Variants in GALNT13 observed in about 807,000 individuals in gnomAD.
GALNT13 encodes polypeptide N-acetylgalactosaminyltransferase 13.
In GALNT13, 28 loss-of-function variants were observed where a neutral mutation model predicts 64.2. That is an observed-to-expected ratio of 0.44 (90% CI 0.32 to 0.60). GALNT13 has a LOEUF of 0.60. Among genes scored for constraint, GALNT13 ranks in the 20% least tolerant of loss-of-function variants. The pLI, the probability that GALNT13 is intolerant of heterozygous loss-of-function variation, is 0.05. For missense variants in GALNT13, 577 were observed against 669.8 expected (o/e 0.86, Z 1.53); for synonymous variants, 214 against 224.6 (o/e 0.95, Z 0.42).
At chr2:153,238,860 T>G in the GALNT13 span, among the ~76,000 whole-genome samples, 1 of 152,166 alleles carries the variant, frequency 6.6e-6, no homozygotes, top group Non-Finnish European at 1.5e-5. Context: ...TTAAGATTGC[T>G]TTTTCTATTG....
In GALNT13 at chr2:154,182,240, G is replaced by A. The variant is rs370766777; in HGVS notation, c.311+41735G>A. ...CAGGGTGTCTGACTCCCAAAGATATGTTAATCATTTGACTACTAAACTTGT... is the reference window on the plus strand; with the variant it reads ...CAGGGTGTCTGACTCCCAAAGATATATTAATCATTTGACTACTAAACTTGT... On this transcript the variant is annotated intron_variant, in intron 4 of 12. Coordinates refer to ENST00000392825, the MANE Select transcript of GALNT13 (RefSeq NM_052917.4). Among the ~76,000 whole-genome samples the A allele has an allele frequency of 1.4e-3, 217 of 152,266 alleles. 1 individual carries two copies. Among genetic ancestry groups the A allele is most frequent in the Non-Finnish European group, 2.8e-3 (189 of 68,026 alleles).
At chr2:153,595,115 A>AAT in the GALNT13 span, among the ~76,000 whole-genome samples, 1 of 152,114 alleles carries the variant, frequency 6.6e-6, no homozygotes, top group African/African-American at 2.4e-5. Context: ...GAGTGAAAAA[A>AAT]TAGGAGAAAA....
rs527911713 is a variant in GALNT13 at position 154,117,475 on chromosome 2, C to G, written c.143-22862C>G. Among the ~76,000 whole-genome samples the G allele has an allele frequency of 4.0e-5, 6 of 151,496 alleles. No homozygotes were observed. The East Asian group carries it at 1.2e-3, about 31-fold the overall frequency. On this transcript the variant is annotated intron_variant, in intron 3 of 12. Transcript: ENST00000392825. ...TCATTGTATCATTCTTATGCCTTTG[C>G]ATCTTCATAGCTTAGCTCCAACATA...
the GALNT13 span, among the ~76,000 whole-genome samples, chr2:153,533,297 C>T: frequency 4.6e-5 from 7 of 151,878 alleles, no homozygotes; most frequent in East Asian, 1.9e-4. Context: ...TGTAGCCCAG[C>T]CTGGAGTGCA....
chr2:154,098,745 G>A (rs1199076092), intron 3 of GALNT13, among the ~76,000 whole-genome samples: 1 of 152,016 alleles, frequency 6.6e-6, no homozygotes, highest in African/African-American at 2.4e-5. Context: ...TTGCTGCAAA[G>A]GACATGATTT....
At chr2:154,318,954 T>C (rs1694474620) in intron 9 of GALNT13, among the ~76,000 whole-genome samples, 1 of 152,074 alleles carries the variant, frequency 6.6e-6, no homozygotes, top group African/African-American at 2.4e-5. Context: ...ATGATAATCA[T>C]CCAATGAACT....
At chr2:154,148,107 G>C (rs547781791) in intron 4 of GALNT13, among the ~76,000 whole-genome samples, 5 of 151,802 alleles carry the variant, frequency 3.3e-5, no homozygotes, top group Non-Finnish European at 4.4e-5. Context: ...CCCAGAGTGT[G>C]ATGTTCCCCT....
intron 3 of GALNT13, among the ~76,000 whole-genome samples, chr2:154,031,563 A>G (rs1698340181): frequency 6.6e-6 from 1 of 152,026 alleles, no homozygotes; most frequent in Non-Finnish European, 1.5e-5. Context: ...GAATAGAGAA[A>G]GACAGATTAT....
chr2:153,748,006 G>A, the GALNT13 span, among the ~76,000 whole-genome samples: 41 of 152,206 alleles, frequency 2.7e-4, no homozygotes, highest in African/African-American at 9.4e-4. Context: ...TTGATATACT[G>A]AATTCCTTTC....
At chr2:153,987,271 AAG>A (rs1462209007) in intron 3 of GALNT13, among the ~76,000 whole-genome samples, 1 of 151,830 alleles carries the variant, frequency 6.6e-6, no homozygotes, top group Non-Finnish European at 1.5e-5. Context: ...TGGGAGTAAA[AAG>A]AGATAGGGTT....
chr2:154,114,184 G>A (rs1377574534), intron 3 of GALNT13, among the ~76,000 whole-genome samples: 1 of 152,054 alleles, frequency 6.6e-6, no homozygotes, highest in African/African-American at 2.4e-5. Context: ...ATTTTTCTAG[G>A]TAGAGGCAGC....
the GALNT13 span, among the ~76,000 whole-genome samples, chr2:153,456,011 G>T: frequency 6.6e-6 from 1 of 152,080 alleles, no homozygotes; most frequent in Non-Finnish European, 1.5e-5. Flanking sequence ...TTCTTCTCCG[G>T]TTACATCATC....
intron 12 of GALNT13, among the ~76,000 whole-genome samples, chr2:154,448,741 T>A (rs189175366): frequency 6.6e-6 from 1 of 152,176 alleles, no homozygotes; most frequent in Admixed American, 6.6e-5. Flanking sequence ...TATTTTGAAC[T>A]AAGGTAACTG....
At chr2:153,702,062 A>G in the GALNT13 span, among the ~76,000 whole-genome samples, 215 of 152,198 alleles carry the variant, frequency 1.4e-3, no homozygotes, top group Non-Finnish European at 2.2e-3. Context: ...TCACAATAGC[A>G]AAGACATGGA....
At chr2:154,257,645 G>C (rs369463312) in intron 7 of GALNT13, 32 of 152,286 alleles carry the variant, frequency 2.1e-4, no homozygotes, top group African/African-American at 7.0e-4. Flanking sequence ...GCAAGGCTCT[G>C]CTACTCCAAC....
At chr2:153,403,879 C>T in the GALNT13 span, among the ~76,000 whole-genome samples, 1 of 152,334 alleles carries the variant, frequency 6.6e-6, no homozygotes, top group Non-Finnish European at 1.5e-5. Context: ...ATGCAGAAAT[C>T]ACCCGTCTTC....
chr2:153,260,574 T>C, the GALNT13 span, among the ~76,000 whole-genome samples: 7 of 152,334 alleles, frequency 4.6e-5, no homozygotes, highest in South Asian at 1.4e-3. Context: ...CCTAACATAT[T>C]GGAACTCCTT....
At chr2:153,871,183 G>A (rs952027842), upstream of GALNT13, among the ~76,000 whole-genome samples, 1 of 152,068 alleles carries the variant, frequency 6.6e-6, no homozygotes, top group African/African-American at 2.4e-5. Context: ...CTTCGGAGTG[G>A]GTGTGTGTTT....
At chr2:153,413,207 C>T in the GALNT13 span, among the ~76,000 whole-genome samples, 1 of 152,110 alleles carries the variant, frequency 6.6e-6, no homozygotes, top group Non-Finnish European at 1.5e-5. Context: ...TACTTTGCTT[C>T]CCGTATCCTA....
Sources: allele counts gnomAD v4.1 joint callset (sites outside exome capture counted in the v4.1 genomes callset), GRCh38; gene constraint gnomAD v4.1.1; transcripts MANE v1.5; gene names NCBI Gene and HGNC (gene_info 2026-07-23, HGNC 2026-07-21).